The following MCC variants were observed in gnomAD, a reference collection of about 807,000 sequenced individuals.
MCC encodes MCC regulator of Wnt signaling pathway.
Under a neutral mutation model 116.2 loss-of-function variants are expected in MCC, and 90 were observed. That is an observed-to-expected ratio of 0.77 (90% CI 0.65 to 0.92). MCC has a LOEUF of 0.92. Ranked by LOEUF, MCC falls within the 40% of genes least tolerant of loss-of-function variation. MCC has a pLI of 0.00. For synonymous variants in MCC, 578 were observed against 510.5 expected, an observed-to-expected ratio of 1.13 and a Z score of -1.78; for missense variants, 1,516 against 1,312.2, an observed-to-expected ratio of 1.16 and a Z score of -2.40.
chr5:113,274,313 A>G (rs1420775828), intron 3 of MCC, among the ~76,000 whole-genome samples: 1 of 152,198 alleles, frequency 6.6e-6, no homozygotes, highest in Non-Finnish European at 1.5e-5. Flanking sequence ...ACCAATAGGG[A>G]AGCATTTGTA....
chr5:113,213,618 T>G (rs924447236), intron 3 of MCC, among the ~76,000 whole-genome samples: 3 of 152,144 alleles, frequency 2.0e-5, no homozygotes, highest in Non-Finnish European at 4.4e-5. Context: ...CAACCTCACG[T>G]CAAAGCACGC....
intron 6 of MCC, among the ~76,000 whole-genome samples, chr5:113,110,482 G>A (rs1459737018): frequency 1.3e-5 from 2 of 152,226 alleles, no homozygotes; most frequent in African/African-American, 2.4e-5. Flanking sequence ...TACTTCATAC[G>A]TGGTGTGAAG....
chr5:113,223,617 T>A (rs957252347), intron 3 of MCC, among the ~76,000 whole-genome samples: 3 of 152,086 alleles, frequency 2.0e-5, no homozygotes, highest in Non-Finnish European at 2.9e-5. Context: ...GAATTTTTTT[T>A]AAAGCAGGGA....
intron 18 of MCC, among the ~76,000 whole-genome samples, chr5:113,028,114 C>T (rs1321444664): frequency 6.6e-6 from 1 of 152,184 alleles, no homozygotes; most frequent in African/African-American, 2.4e-5. Flanking sequence ...CTTACAGCTG[C>T]AGTTCTCCCA....
At chr5:113,243,634 G>A (rs1764463016) in intron 3 of MCC, among the ~76,000 whole-genome samples, 2 of 152,184 alleles carry the variant, frequency 1.3e-5, no homozygotes. Context: ...TTGGTTTCTG[G>A]AAAACAATTC....
At chr5:113,429,692 G>T (rs934831703) in intron 1 of MCC, among the ~76,000 whole-genome samples, 1 of 152,082 alleles carries the variant, frequency 6.6e-6, no homozygotes, top group African/African-American at 2.4e-5. Context: ...TCAGTTGGTG[G>T]TGTTCTGTTC....
At chr5:113,228,723 C>T (rs988144952) in intron 3 of MCC, among the ~76,000 whole-genome samples, 1 of 152,118 alleles carries the variant, frequency 6.6e-6, no homozygotes, top group Non-Finnish European at 1.5e-5. Flanking sequence ...CACTCAGCTG[C>T]TGTGGTGAGA....
intron 3 of MCC, among the ~76,000 whole-genome samples, chr5:113,219,325 C>T (rs1763452548): frequency 6.6e-6 from 1 of 152,300 alleles, no homozygotes; most frequent in Admixed American, 6.5e-5. Context: ...GCAATGAATT[C>T]TGGAGGCCCT....
At chr5:113,137,259 T>C (rs1408174071) in intron 5 of MCC, among the ~76,000 whole-genome samples, 2 of 152,158 alleles carry the variant, frequency 1.3e-5, no homozygotes, top group Non-Finnish European at 2.9e-5. Context: ...GAATTCGTTC[T>C]TATGCTATCA....
chr5:113,447,027 T>C (rs1771241288), intron 1 of MCC, among the ~76,000 whole-genome samples: 2 of 152,136 alleles, frequency 1.3e-5, no homozygotes, highest in Non-Finnish European at 2.9e-5. Context: ...TTTCCTCATC[T>C]CTAATTGACC....
chr5:113,364,257 A>AC (rs1402723186), intron 2 of MCC, among the ~76,000 whole-genome samples: 1 of 118,608 alleles, frequency 8.4e-6, no homozygotes, highest in African/African-American at 3.8e-5. Flanking sequence ...AAAAAAAAAA[A>AC]AAACCAGAAA....
chr5:113,438,608 T>A (rs1770935832), intron 1 of MCC, among the ~76,000 whole-genome samples: 1 of 152,180 alleles, frequency 6.6e-6, no homozygotes, highest in Non-Finnish European at 1.5e-5. Context: ...GGCATTCTAC[T>A]CCATTGGGCC....
chr5:113,089,200 A>G (rs1581032370), intron 8 of MCC, among the ~76,000 whole-genome samples: 1 of 152,202 alleles, frequency 6.6e-6, no homozygotes, highest in East Asian at 1.9e-4. Context: ...AAAGAGGGGT[A>G]TCAACAAGGA....
intron 3 of MCC, among the ~76,000 whole-genome samples, chr5:113,160,313 C>T (rs186995664): frequency 6.6e-6 from 1 of 152,210 alleles, no homozygotes; most frequent in Non-Finnish European, 1.5e-5. Flanking sequence ...GACCCACAAT[C>T]CCATCCCATC....
intron 1 of MCC, among the ~76,000 whole-genome samples, chr5:113,428,501 G>A (rs1293749544): frequency 3.9e-5 from 6 of 152,174 alleles, no homozygotes; most frequent in East Asian, 1.9e-4. Context: ...TATGATATGA[G>A]GCTACAAAGG....
chr5:113,134,555 C>CTTTTTTTTTT, intron 5 of MCC, among the ~76,000 whole-genome samples: 8 of 30,118 alleles, frequency 2.7e-4, no homozygotes, highest in East Asian at 1.5e-3. Flanking sequence ...GCTATTTGGG[C>CTTTTTTTTTT]TTTTTTTTTT....
At chr5:113,390,003 A>C (rs1769364494) in intron 1 of MCC, among the ~76,000 whole-genome samples, 1 of 152,230 alleles carries the variant, frequency 6.6e-6, no homozygotes, top group African/African-American at 2.4e-5. Flanking sequence ...AAAGTTTTTC[A>C]GAGGAAGAGA....
chr5:113,271,700 G>A (rs1177641044), intron 3 of MCC, among the ~76,000 whole-genome samples: 1 of 152,166 alleles, frequency 6.6e-6, no homozygotes, highest in Non-Finnish European at 1.5e-5. Context: ...AGGTAATTAG[G>A]CCATAAGGGC....
At chr5:113,391,895 A>G (rs1329235146) in intron 1 of MCC, among the ~76,000 whole-genome samples, 1 of 151,984 alleles carries the variant, frequency 6.6e-6, no homozygotes, top group African/African-American at 2.4e-5. Flanking sequence ...TTTGTCACAA[A>G]CTCTTCTGTA....
Sources: gnomAD v4.1 joint callset for allele counts (sites outside exome capture counted in the v4.1 genomes callset) on GRCh38, gnomAD v4.1.1 for gene constraint, MANE v1.5 for transcripts, NCBI Gene and HGNC (gene_info 2026-07-23, HGNC 2026-07-21) for gene names.